The following SLAIN2 variants were observed in gnomAD, a reference collection of about 807,000 sequenced individuals.
SLAIN2 encodes the protein SLAIN family member 2.
Under a neutral mutation model 56.6 loss-of-function variants are expected in SLAIN2, and 31 were observed. That is an observed-to-expected ratio of 0.55 (90% confidence interval 0.41 to 0.74). The LOEUF (loss-of-function observed/expected upper bound fraction) is 0.74, where lower values mean the gene tolerates loss of function less well. Among genes scored for constraint, SLAIN2 ranks in the 30% least tolerant of loss-of-function variants. The probability of loss-of-function intolerance (pLI) is 0.00; values close to 1 mark genes in which losing one functional copy is unlikely to be tolerated. For missense variants in SLAIN2, 777 were observed against 754.2 expected (o/e 1.03, Z -0.35); for synonymous variants, 317 against 284.9 (o/e 1.11, Z -1.13).
At chr4:48,342,925 G>A (rs1714765649) in intron 1 of SLAIN2, among the ~76,000 whole-genome samples, 1 of 152,000 alleles carries the variant, frequency 6.6e-6, no homozygotes, top group South Asian at 2.1e-4. Flanking sequence ...ATTGTCATAA[G>A]CCACTTCTTG....
Position 48,341,941 on chromosome 4 carries a change from C to G in SLAIN2, c.202C>G (p.Pro68Ala), listed in dbSNP as rs1402466041. 2 of 1,479,824 alleles carry G rather than the reference C, an allele frequency of 1.4e-6. No homozygotes were observed. The highest frequency in any genetic ancestry group is 1.8e-6 in the Non-Finnish European group (2 of 1,118,950). 91.7% of individuals were successfully genotyped at this position (1,479,824 alleles called of 1,614,324 possible). A position where few individuals can be genotyped will look rare whatever the true frequency, so the allele number is the denominator to read the frequency against. Residue 68 changes from proline (P) to alanine (A), a missense_variant, in exon 1 of 8, where the codon CCC becomes GCC. By Grantham distance (27) the Pro-to-Ala change is conservative (BLOSUM62 -1). Coordinates refer to ENST00000264313, the MANE Select transcript of SLAIN2 (RefSeq NM_020846.2). ...CGGCGCGGCGTCTCCTCGGGGCTTC[C>G]CCTTGGGCCTCAGCGCCAAGTCGGG... ...SSGAASPRGF[P>A]LGLSAKSGGG... is the part of the protein sequence containing the mutation.
At chr4:48,383,846 AT>A in intron 6 of SLAIN2, 62 bp downstream of exon 6, 1 of 1,522,816 alleles carries the variant, frequency 6.6e-7, no homozygotes, top group Non-Finnish European at 8.9e-7. Flanking sequence ...AATTTTAGAT[AT>A]TTGTTTTATG....
rs559829147 is a variant in SLAIN2 at position 48,357,844 on chromosome 4, C to T, written c.390-12005C>T. 7.9e-5 allele frequency among the ~76,000 whole-genome samples: 12 copies of T among 152,090 alleles called. No homozygotes were observed. The East Asian group carries it at 9.7e-4, about 12-fold the overall frequency. On this transcript the variant is annotated intron_variant, in intron 1 of 7. Transcript: ENST00000264313. ...TGCTGGGATTACAGGCATGAGCCAC[C>T]GCACCCGGCCCCACTGATGTTTTTA...
chr4:48,360,667 C>T (rs758906519), intron 1 of SLAIN2, among the ~76,000 whole-genome samples: 9 of 152,070 alleles, frequency 5.9e-5, no homozygotes, highest in African/African-American at 1.7e-4. Context: ...TAGTTTTTAA[C>T]GTATTCACAG....
chr4:48,368,242 G>T (rs1172137404), intron 1 of SLAIN2, among the ~76,000 whole-genome samples: 2 of 151,822 alleles, frequency 1.3e-5, no homozygotes, highest in Non-Finnish European at 2.9e-5. Context: ...TAGAGATGGG[G>T]TTTGTATTTT....
At chr4:48,357,088 T>C (rs914928160) in intron 1 of SLAIN2, among the ~76,000 whole-genome samples, 1 of 151,106 alleles carries the variant, frequency 6.6e-6, no homozygotes, top group African/African-American at 2.4e-5. Context: ...ATATTTTTAA[T>C]ATTCCTCTAA....
At chr4:48,370,046 CAAA>C in intron 2 of SLAIN2, 49 bp downstream of exon 2, 1 of 1,572,272 alleles carries the variant, frequency 6.4e-7, no homozygotes, top group Non-Finnish European at 8.7e-7. Context: ...TTTCTTTAGT[CAAA>C]AACCATAAAT....
At chr4:48,359,249 C>G (rs751014409) in intron 1 of SLAIN2, among the ~76,000 whole-genome samples, 3 of 152,044 alleles carry the variant, frequency 2.0e-5, no homozygotes, top group Non-Finnish European at 2.9e-5. Context: ...AGTGTCTGTT[C>G]TTTTGCACTG....
At chr4:48,413,557 G>A (rs1716920657) in intron 6 of SLAIN2, among the ~76,000 whole-genome samples, 1 of 152,120 alleles carries the variant, frequency 6.6e-6, no homozygotes, top group African/African-American at 2.4e-5. Flanking sequence ...GATTATCATT[G>A]ATAGGGTAGA....
rs1326136927 is a variant in SLAIN2 at position 48,383,635 on chromosome 4, A to G, written c.1223-12A>G. 6.7e-7 allele frequency: 1 copy of G among 1,501,776 alleles called. No homozygotes were observed. Among genetic ancestry groups the G allele is most frequent in the South Asian group, 1.3e-5 (1 of 74,400 alleles). 93.0% of individuals were successfully genotyped at this position (1,501,776 alleles called of 1,614,324 possible). On this transcript the variant is annotated splice_polypyrimidine_tract_variant and intron_variant, in intron 5 of 7. Transcript: ENST00000264313. ...AGAATATGATTTTTTTAAAATTAAA[A>G]TTCTGTTGCAGAAAAACTAAGACGC...
At chr4:48,358,471 C>T (rs1377041432) in intron 1 of SLAIN2, among the ~76,000 whole-genome samples, 2 of 151,670 alleles carry the variant, frequency 1.3e-5, no homozygotes, top group Non-Finnish European at 2.9e-5. Context: ...AGGCGTGCAC[C>T]ACCATGCCCG....
chr4:48,409,047 A>T (rs1716778618), intron 6 of SLAIN2, among the ~76,000 whole-genome samples: 1 of 152,142 alleles, frequency 6.6e-6, no homozygotes, highest in African/African-American at 2.4e-5. Flanking sequence ...GACTATTTTT[A>T]AAAATTTTTT....
chr4:48,379,675 T>TC lies in SLAIN2; in HGVS notation c.704-15_704-14insC. 8.5e-7 allele frequency: 1 copy of TC among 1,178,096 alleles called. No individual in the cohort carries two copies. The highest frequency in any genetic ancestry group is 2.2e-5 in the South Asian group (1 of 45,254). The allele number at this position is 1,178,096 out of a possible 1,614,324, so 73.0% of individuals were successfully genotyped here. A position where few individuals can be genotyped will look rare whatever the true frequency, so the allele number is the denominator to read the frequency against. On this transcript the variant is annotated splice_polypyrimidine_tract_variant and intron_variant, in intron 3 of 7. Coordinates refer to ENST00000264313, the MANE Select transcript of SLAIN2 (RefSeq NM_020846.2). ...TTTACCAGAGTTTGAATTTTTTTCTTTTTTTTTTTTTAAGGTAACTTGAAA... is the reference window on the plus strand; with the variant it reads ...TTTACCAGAGTTTGAATTTTTTTCTTCTTTTTTTTTTTAAGGTAACTTGAAA...
At chr4:48,411,277 C>CT (rs1194747933) in intron 6 of SLAIN2, among the ~76,000 whole-genome samples, 2 of 152,210 alleles carry the variant, frequency 1.3e-5, no homozygotes, top group South Asian at 4.2e-4. Flanking sequence ...TTTCCTAGGT[C>CT]TTTCCAGGGC....
In SLAIN2 at chr4:48,341,594, G is replaced by A; in HGVS notation, c.-146G>A. 1 of 1,259,676 alleles carries A rather than the reference G, an allele frequency of 7.9e-7. No individual in the cohort carries two copies. Among genetic ancestry groups the A allele is most frequent in the South Asian group, 1.9e-5 (1 of 53,338 alleles). The allele number at this position is 1,259,676 out of a possible 1,614,324, so 78.0% of individuals were successfully genotyped here. ...CAGCGGCGCTTTGGAACCCGAGGTG[G>A]GGGGACCCTGGCGGTGGGGCCTGGT... On this transcript the variant is annotated 5_prime_UTR_variant, in exon 1 of 8. Transcript: ENST00000264313.
intron 1 of SLAIN2, among the ~76,000 whole-genome samples, chr4:48,348,054 T>C (rs1041565894): frequency 6.6e-5 from 10 of 152,206 alleles, no homozygotes; most frequent in African/African-American, 2.4e-4. Context: ...CGATTGATCT[T>C]GATTTATTTA....
chr4:48,381,551 T>C (rs1303102515), intron 4 of SLAIN2, among the ~76,000 whole-genome samples: 2 of 152,212 alleles, frequency 1.3e-5, no homozygotes, highest in African/African-American at 4.8e-5. Context: ...TTTAGTGCCA[T>C]GTTGGCTATA....
chr4:48,379,905 A>G (rs1349358767), intron 4 of SLAIN2, 57 bp downstream of exon 4: 6 of 1,360,312 alleles, frequency 4.4e-6, no homozygotes, highest in Non-Finnish European at 5.8e-6. Context: ...ATTTTGTTGT[A>G]TATTAAATAT....
chr4:48,343,426 G>A (rs1714779542), intron 1 of SLAIN2, among the ~76,000 whole-genome samples: 2 of 152,210 alleles, frequency 1.3e-5, no homozygotes, highest in African/African-American at 4.8e-5. Flanking sequence ...TCAAGAAACA[G>A]TTCTTATATG....
Sources: allele counts gnomAD v4.1 joint callset (sites outside exome capture counted in the v4.1 genomes callset), GRCh38; gene constraint gnomAD v4.1.1; transcripts MANE v1.5; gene names NCBI Gene and HGNC (gene_info 2026-07-23, HGNC 2026-07-21).